The following SHISAL1 variants were observed in gnomAD, a reference collection of about 807,000 sequenced individuals.
The protein encoded by SHISAL1 is protein shisa-like-1.
In SHISAL1, 9 loss-of-function variants were observed where a neutral mutation model predicts 22.6. The ratio of observed to expected loss-of-function variants is 0.40; its 90% CI spans 0.24 to 0.70. The LOEUF (loss-of-function observed/expected upper bound fraction) is 0.70. Among genes scored for constraint, SHISAL1 ranks in the 30% least tolerant of loss-of-function variants. SHISAL1 has a pLI of 0.39. For missense variants in SHISAL1, 246 were observed against 270.6 expected (o/e 0.91, Z 0.64); for synonymous variants, 119 against 115.4 (o/e 1.03, Z -0.20).
At chr22:44,315,289 C>T (rs1041234875), upstream of SHISAL1, among the ~76,000 whole-genome samples, 2 of 152,174 alleles carry the variant, frequency 1.3e-5, no homozygotes, top group South Asian at 2.1e-4. Context: ...CAGTACCCCC[C>T]AGCCCCCATC....
intron 4 of SHISAL1, among the ~76,000 whole-genome samples, chr22:44,279,681 G>A (rs1404128352): frequency 1.2e-4 from 19 of 152,178 alleles, no homozygotes; most frequent in Admixed American, 1.2e-3. Context: ...TGGATGGAGA[G>A]GAACTCTGGA....
intron 1 of SHISAL1, among the ~76,000 whole-genome samples, chr22:44,302,643 G>A (rs546840498): frequency 3.6e-4 from 53 of 148,434 alleles, no homozygotes; most frequent in East Asian, 6.2e-4. Context: ...GGGTGGGTGC[G>A]GTGAGGAGGC....
chr22:44,316,486 G>A (rs2055559361), upstream of SHISAL1, among the ~76,000 whole-genome samples: 1 of 152,172 alleles, frequency 6.6e-6, no homozygotes, highest in Non-Finnish European at 1.5e-5. Context: ...AAGAGCTGCT[G>A]GGCCAGCTTT....
At chr22:44,284,328 C>G (rs2055296360) in intron 4 of SHISAL1, among the ~76,000 whole-genome samples, 1 of 152,004 alleles carries the variant, frequency 6.6e-6, no homozygotes, top group African/African-American at 2.4e-5. Flanking sequence ...ACCCACTCCT[C>G]CTTCACGAGG....
Position 44,264,493 on chromosome 22 carries a change from A to AAACCTGTCCTCCTTGCAGGGTCC in SHISAL1, c.*-14831_*-14809dup, listed in dbSNP as rs1329619325. Among the ~76,000 whole-genome samples, 29 of 152,182 alleles carry AAACCTGTCCTCCTTGCAGGGTCC rather than the reference A, an allele frequency of 1.9e-4. No individual in the cohort carries two copies. In the East Asian group the frequency reaches 5.3e-3, roughly 28 times the overall value. On this transcript the variant is annotated intron_variant, in intron 4 of 4. Transcript: ENST00000381176. ...CTGGACATACCTTCCCATCCCCTGC[A>AAACCTGTCCTCCTTGCAGGGTCC]AACCTGTCCTCCTTGCAGGGTCCAA... is the stretch of plus-strand genomic sequence containing the variant.
At chr22:44,288,628 G>A (rs951238110) in intron 3 of SHISAL1, among the ~76,000 whole-genome samples, 12 of 152,310 alleles carry the variant, frequency 7.9e-5, no homozygotes, top group Admixed American at 1.3e-4. Flanking sequence ...GTGACAGAGC[G>A]AGACTCCGTC....
At chr22:44,263,909 T>C (rs1279706087) in intron 4 of SHISAL1, among the ~76,000 whole-genome samples, 2 of 152,178 alleles carry the variant, frequency 1.3e-5, no homozygotes, top group East Asian at 1.9e-4. Context: ...TTTGTGATAG[T>C]TTATTACAGC....
chr22:44,297,977 A>AGCTGG lies in SHISAL1; in HGVS notation c.68-1097_68-1093dup, dbSNP rs575963152. On this transcript the variant is annotated intron_variant, in intron 2 of 4. Transcript: ENST00000381176. ...CCCGGGGCTGCTGCAGGGGAGTCCCAGCTGGGCTGGGCTGGGCTGGAAGAT... is the reference window on the plus strand; with the variant it reads ...CCCGGGGCTGCTGCAGGGGAGTCCCAGCTGGGCTGGGCTGGGCTGGGCTGGAAGAT... Among the ~76,000 whole-genome samples, 31 of 152,262 alleles carry AGCTGG rather than the reference A, an allele frequency of 2.0e-4. No homozygotes were observed. The South Asian group carries it at 4.6e-3, about 22-fold the overall frequency.
intron 1 of SHISAL1, among the ~76,000 whole-genome samples, chr22:44,301,605 C>A (rs2055429969): frequency 6.6e-6 from 1 of 152,180 alleles, no homozygotes; most frequent in African/African-American, 2.4e-5. Context: ...GTACACACAC[C>A]CATGTTCCCA....
the SHISAL1 span, among the ~76,000 whole-genome samples, chr22:44,323,629 C>A: frequency 6.7e-6 from 1 of 149,696 alleles, no homozygotes; most frequent in Non-Finnish European, 1.5e-5. Context: ...TCCATCCATG[C>A]ATCCATCCAC....
intron 4 of SHISAL1, among the ~76,000 whole-genome samples, chr22:44,272,835 G>A (rs2055214250): frequency 6.6e-6 from 1 of 152,202 alleles, no homozygotes. Flanking sequence ...AAACACATTG[G>A]CTGTAATCCC....
chr22:44,255,871 G>A (rs1170497855), intron 4 of SHISAL1, among the ~76,000 whole-genome samples: 1 of 152,164 alleles, frequency 6.6e-6, no homozygotes, highest in Non-Finnish European at 1.5e-5. Flanking sequence ...TGGGCCACAG[G>A]GTGCCCTGAT....
intron 3 of SHISAL1, among the ~76,000 whole-genome samples, chr22:44,286,973 A>T (rs987883461): frequency 3.3e-5 from 5 of 152,144 alleles, no homozygotes; most frequent in African/African-American, 4.8e-5. Context: ...TCCGGCCTGT[A>T]CACGCCACCG....
chr22:44,326,572 G>T, the SHISAL1 span, among the ~76,000 whole-genome samples: 5 of 152,158 alleles, frequency 3.3e-5, no homozygotes, highest in Admixed American at 6.5e-5. Flanking sequence ...ACTTAATTCA[G>T]TGTTAAATGG....
chr22:44,257,837 G>A (rs1439264717), intron 4 of SHISAL1, among the ~76,000 whole-genome samples: 2 of 152,174 alleles, frequency 1.3e-5, no homozygotes, highest in African/African-American at 4.8e-5. Flanking sequence ...AGCGTGAGCT[G>A]CTTCTTTTTA....
chr22:44,315,683 G>A (rs1384002410), upstream of SHISAL1, among the ~76,000 whole-genome samples: 2 of 152,180 alleles, frequency 1.3e-5, no homozygotes, highest in Admixed American at 6.5e-5. Context: ...TGCTTCTTAC[G>A]CTGTTGTTAC....
At chr22:44,307,943 C>T (rs2055491000) in intron 1 of SHISAL1, among the ~76,000 whole-genome samples, 1 of 152,184 alleles carries the variant, frequency 6.6e-6, no homozygotes, top group South Asian at 2.1e-4. Context: ...CTGGAGACCC[C>T]CTACAGCACT....
intron 4 of SHISAL1, among the ~76,000 whole-genome samples, chr22:44,268,589 C>G (rs976411620): frequency 5.3e-5 from 8 of 152,200 alleles, no homozygotes; most frequent in African/African-American, 1.2e-4. Flanking sequence ...ACCAGCACCC[C>G]CCAGAAGACT....
At chr22:44,252,425 C>T (rs1286500394) in intron 4 of SHISAL1, among the ~76,000 whole-genome samples, 1 of 151,716 alleles carries the variant, frequency 6.6e-6, no homozygotes, top group East Asian at 1.9e-4. Flanking sequence ...TGAAGATAAC[C>T]ATGGGATCAA....
Sources: gnomAD v4.1 joint callset for allele counts (sites outside exome capture counted in the v4.1 genomes callset) on GRCh38, gnomAD v4.1.1 for gene constraint, MANE v1.5 for transcripts, NCBI Gene and HGNC (gene_info 2026-07-23, HGNC 2026-07-21) for gene names.